DRC1: variants seen among roughly 807,000 people sequenced by gnomAD.
DRC1 encodes the protein dynein regulatory complex subunit 1, also known as dynein regulatory complex protein 1.
Under a neutral mutation model 98.7 loss-of-function variants are expected in DRC1, and 74 were observed. That is an observed-to-expected ratio of 0.75 (90% CI 0.62 to 0.91). The LOEUF (loss-of-function observed/expected upper bound fraction) is 0.91. Among genes scored for constraint, DRC1 ranks in the 40% least tolerant of loss-of-function variants. The pLI, the probability that DRC1 is intolerant of heterozygous loss-of-function variation, is 0.00. For missense variants in DRC1, 875 were observed against 886.0 expected (o/e 0.99, Z 0.16); for synonymous variants, 336 against 334.1 (o/e 1.01, Z -0.06).
intron 1 of DRC1, among the ~76,000 whole-genome samples, chr2:26,403,822 CG>C (rs1039260309): frequency 2.8e-5 from 4 of 142,220 alleles, no homozygotes; most frequent in African/African-American, 1.0e-4. Flanking sequence ...AAAATTGGGC[CG>C]GGCGCAGTGG....
chr2:26,430,870 G>A lies in DRC1; in HGVS notation c.763G>A (p.Glu255Lys). The change falls in exon 6 of 17, where the codon GAG (glutamate) becomes AAG (lysine). Residue 255 changes from glutamate (E) to lysine (K), a missense_variant and splice_region_variant. By Grantham distance (56) the Glu-to-Lys change is moderately conservative. Transcript: ENST00000288710. ...AGCCCTTCAGGCTCATAATGCCAAAGAGGTAAAGGGTGGAGCCTGTCAAGA... is the reference window on the plus strand; with the variant it reads ...AGCCCTTCAGGCTCATAATGCCAAAAAGGTAAAGGGTGGAGCCTGTCAAGA... The part of the protein sequence containing the change: ...EQALQAHNAK[E>K]LEYLNNRMKK... The A allele has an allele frequency of 3.1e-6, 5 of 1,612,448 alleles. No homozygotes were observed. Among genetic ancestry groups the A allele is most frequent in the Non-Finnish European group, 4.2e-6 (5 of 1,178,942 alleles).
intron 1 of DRC1, among the ~76,000 whole-genome samples, chr2:26,407,540 T>A (rs1678465833): frequency 6.6e-6 from 1 of 152,132 alleles, no homozygotes; most frequent in Non-Finnish European, 1.5e-5. Context: ...AGACTGGACA[T>A]GTCCACTTCC....
chr2:26,453,265 C>G (rs1664052797), intron 13 of DRC1, 55 bp from the exon 14 acceptor site: 1 of 1,600,486 alleles, frequency 6.2e-7, no homozygotes, highest in South Asian at 1.1e-5. Context: ...GCCTCTCTCT[C>G]CATGCTCATG....
intron 10 of DRC1, among the ~76,000 whole-genome samples, chr2:26,447,679 G>A (rs1663892719): frequency 6.6e-6 from 1 of 151,138 alleles, no homozygotes; most frequent in Non-Finnish European, 1.5e-5. Context: ...CGATTCTCCT[G>A]CCTCAGCCTC....
intron 16 of DRC1, 131 bp from the exon 17 acceptor site, chr2:26,456,330 A>C: frequency 9.0e-7 from 1 of 1,111,258 alleles, no homozygotes; most frequent in African/African-American, 1.5e-5. Flanking sequence ...GGTGTTCAGC[A>C]TCTCTCAGCT....
intron 4 of DRC1, among the ~76,000 whole-genome samples, chr2:26,426,858 T>C (rs1186175322): frequency 6.6e-6 from 1 of 152,208 alleles, no homozygotes; most frequent in Non-Finnish European, 1.5e-5. Context: ...TTGTATAGTA[T>C]GGACATTTTT....
chr2:26,444,081 G>A, intron 8 of DRC1, 141 bp from the exon 9 acceptor site: 1 of 1,217,366 alleles, frequency 8.2e-7, no homozygotes. Context: ...TGGGATCTGT[G>A]TTTTGGAATA....
intron 6 of DRC1, among the ~76,000 whole-genome samples, chr2:26,431,233 C>T (rs537396227): frequency 6.6e-6 from 1 of 152,194 alleles, no homozygotes; most frequent in Non-Finnish European, 1.5e-5. Context: ...GGATTACAGG[C>T]GTGAGCCTCC....
chr2:26,440,453 G>C lies in DRC1; in HGVS notation c.964G>C (p.Val322Leu). Residue 322 changes from valine to leucine, a missense_variant, in exon 8 of 17, where the codon GTG becomes CTG. Physicochemically the swap from Val to Leu is conservative, Grantham distance 32 (BLOSUM62 1). Coordinates refer to ENST00000288710, the MANE Select transcript of DRC1 (RefSeq NM_145038.5). Reference protein sequence around the residue: ...NQEKLEYNLQVLKKRDEESTV... With the variant: ...NQEKLEYNLQLLKKRDEESTV... The stretch of plus-strand genomic sequence containing the variant: ...AGAGAAATTAGAGTACAACTTGCAG[G>C]TGCTGAAGAAGAGAGATGAAGAAAG... The C allele has an allele frequency of 6.2e-7, 1 of 1,613,374 alleles. No individual in the cohort carries two copies. Among genetic ancestry groups the C allele is most frequent in the Non-Finnish European group, 8.5e-7 (1 of 1,179,720 alleles).
chr2:26,430,565 TCTC>T, intron 5 of DRC1: 1 of 626,276 alleles, frequency 1.6e-6, no homozygotes, highest in Non-Finnish European at 3.1e-6. Flanking sequence ...TGTTGGCACA[TCTC>T]CTCTCCGCAT....
chr2:26,431,819 A>T, intron 6 of DRC1, 65 bp from the exon 7 acceptor site: 1 of 1,598,214 alleles, frequency 6.3e-7, no homozygotes, highest in Non-Finnish European at 8.5e-7. Context: ...TGGGCAGGCC[A>T]TCCGAAGGAT....
chr2:26,444,435 C>T (rs1157601331), intron 9 of DRC1, 79 bp downstream of exon 9: 40 of 1,547,938 alleles, frequency 2.6e-5, no homozygotes, highest in South Asian at 2.6e-4. Context: ...GCTGTGATTT[C>T]GTTGGACTTG....
intron 7 of DRC1, among the ~76,000 whole-genome samples, chr2:26,438,752 C>G (rs1309214034): frequency 6.6e-6 from 1 of 152,144 alleles, no homozygotes; most frequent in African/African-American, 2.4e-5. Flanking sequence ...GCTGTGATAG[C>G]CACTTGGAAT....
intron 7 of DRC1, among the ~76,000 whole-genome samples, chr2:26,434,763 C>A (rs539260990): frequency 6.6e-6 from 1 of 151,868 alleles, no homozygotes; most frequent in Non-Finnish European, 1.5e-5. Context: ...TGGTGGCGGG[C>A]GCCTGTAGTC....
chr2:26,408,909 T>A (rs565737391), intron 1 of DRC1, among the ~76,000 whole-genome samples: 1 of 152,100 alleles, frequency 6.6e-6, no homozygotes, highest in South Asian at 2.1e-4. Flanking sequence ...CCGTCAGCTT[T>A]AAAAAAAATT....
chr2:26,440,594 T>G, intron 8 of DRC1, 77 bp downstream of exon 8: 1 of 1,467,780 alleles, frequency 6.8e-7, no homozygotes, highest in Non-Finnish European at 9.0e-7. Context: ...TTTTTTCTAT[T>G]GAAGGGGTAG....
intron 4 of DRC1, among the ~76,000 whole-genome samples, chr2:26,428,773 G>A (rs895991714): frequency 3.3e-5 from 5 of 151,952 alleles, no homozygotes; most frequent in Non-Finnish European, 7.4e-5. Context: ...ACTCCAGCCT[G>A]GGCAACAGAG....
In DRC1 at chr2:26,444,961, C is replaced by G; in HGVS notation, c.1396+13C>G. ...CTTATGCGCTCAGGTGACTAGAACA[C>G]TGTCATAGAGCCTTAGAGCTGGAGG... On this transcript the variant is annotated intron_variant, in intron 10 of 16. Coordinates refer to ENST00000288710, the MANE Select transcript of DRC1 (RefSeq NM_145038.5). The G allele has an allele frequency of 1.2e-6, 2 of 1,612,972 alleles. No individual in the cohort carries two copies. Among genetic ancestry groups the G allele is most frequent in the Non-Finnish European group, 1.7e-6 (2 of 1,179,522 alleles).
At chr2:26,446,759 G>A (rs1344747119) in intron 10 of DRC1, among the ~76,000 whole-genome samples, 1 of 152,118 alleles carries the variant, frequency 6.6e-6, no homozygotes, top group Non-Finnish European at 1.5e-5. Context: ...TTCTTAAAAT[G>A]TGTCCCTCCA....
Sources: gnomAD v4.1 joint callset for allele counts (sites outside exome capture counted in the v4.1 genomes callset) on GRCh38, gnomAD v4.1.1 for gene constraint, MANE v1.5 for transcripts, NCBI Gene and HGNC (gene_info 2026-07-23, HGNC 2026-07-21) for gene names.